The following TRPM3 variants were observed in gnomAD, a reference collection of about 807,000 sequenced individuals.
TRPM3 encodes the protein transient receptor potential cation channel subfamily M member 3.
In TRPM3, 77 loss-of-function variants were observed where a neutral mutation model predicts 181.2. That is an observed-to-expected ratio of 0.42 (90% CI 0.35 to 0.51). The LOEUF (loss-of-function observed/expected upper bound fraction) is 0.51, where lower values mean the gene tolerates loss of function less well. TRPM3 is among the 20% of genes least tolerant of loss of function. The pLI, the probability that TRPM3 is intolerant of heterozygous loss-of-function variation, is 0.01. For synonymous variants in TRPM3, 745 were observed against 796.4 expected, an observed-to-expected ratio of 0.94 and a Z score of 1.09; for missense variants, 1,759 against 2,196.7, an observed-to-expected ratio of 0.80 and a Z score of 3.98.
At chr9:71,420,966 GGAGAGAAAAAGAGAGAGAAAAAGA>G in intron 1 of TRPM3, among the ~76,000 whole-genome samples, 1 of 39,466 alleles carries the variant, frequency 2.5e-5, no homozygotes, top group South Asian at 1.0e-3. Context: ...AGAGAAAAAG[GGAGAGAAAAAGAGAGAGAAAAAGA>G]GAGAGAAAAA....
chr9:70,626,328 C>G (rs1037638218), intron 12 of TRPM3, among the ~76,000 whole-genome samples: 1 of 152,130 alleles, frequency 6.6e-6, no homozygotes, highest in Non-Finnish European at 1.5e-5. Context: ...CTCCTTCTTG[C>G]GGGAGAGCGC....
chr9:70,756,746 T>C (rs1362852351), intron 8 of TRPM3, among the ~76,000 whole-genome samples: 1 of 152,096 alleles, frequency 6.6e-6, no homozygotes. Context: ...ACTGGGTAAA[T>C]AATGAAATTA....
At chr9:71,185,292 C>T (rs778008817) in intron 1 of TRPM3, among the ~76,000 whole-genome samples, 19 of 152,104 alleles carry the variant, frequency 1.2e-4, no homozygotes, top group Admixed American at 2.0e-4. Flanking sequence ...TATTCATTTC[C>T]ACACTTTTCT....
intron 1 of TRPM3, among the ~76,000 whole-genome samples, chr9:71,444,949 GT>G (rs1319321408): frequency 3.9e-5 from 6 of 152,180 alleles, no homozygotes; most frequent in Non-Finnish European, 2.9e-5. Context: ...GCCTTAACTG[GT>G]TTTTAACTGA....
At chr9:71,306,488 C>CT (rs1279855410) in intron 1 of TRPM3, among the ~76,000 whole-genome samples, 1 of 152,072 alleles carries the variant, frequency 6.6e-6, no homozygotes, top group African/African-American at 2.4e-5. Flanking sequence ...CTCAGTTTGT[C>CT]TTTTTTATAT....
chr9:70,865,169 C>T (rs561650906), intron 1 of TRPM3, among the ~76,000 whole-genome samples: 77 of 151,968 alleles, frequency 5.1e-4, no homozygotes, highest in Non-Finnish European at 9.9e-4. Context: ...GCCCCACACG[C>T]CCTTCAGCAG....
At chr9:71,303,963 T>G (rs1466993537) in intron 1 of TRPM3, among the ~76,000 whole-genome samples, 1 of 152,192 alleles carries the variant, frequency 6.6e-6, no homozygotes, top group Non-Finnish European at 1.5e-5. Context: ...GGCTAGCCAT[T>G]CTATAAAATA....
chr9:71,116,056 T>C (rs2072304517), intron 1 of TRPM3, among the ~76,000 whole-genome samples: 1 of 152,196 alleles, frequency 6.6e-6, no homozygotes, highest in Admixed American at 6.5e-5. Flanking sequence ...TTTCTTTTAT[T>C]TGTAGCCATT....
intron 1 of TRPM3, among the ~76,000 whole-genome samples, chr9:71,383,383 A>G (rs1396365217): frequency 6.6e-6 from 1 of 152,098 alleles, no homozygotes; most frequent in African/African-American, 2.4e-5. Flanking sequence ...GACTGCATCT[A>G]TTTGCATCTT....
intron 1 of TRPM3, among the ~76,000 whole-genome samples, chr9:71,318,636 A>T (rs953905251): frequency 6.6e-6 from 1 of 152,290 alleles, no homozygotes; most frequent in Non-Finnish European, 1.5e-5. Flanking sequence ...AGTAACTCTT[A>T]TAAGGCATTG....
chr9:70,645,059 G>C (rs2058628748), intron 9 of TRPM3, among the ~76,000 whole-genome samples: 1 of 152,146 alleles, frequency 6.6e-6, no homozygotes, highest in Non-Finnish European at 1.5e-5. Flanking sequence ...AAATAAGAGA[G>C]GACACAGACA....
intron 5 of TRPM3, among the ~76,000 whole-genome samples, chr9:70,831,313 C>T (rs569268917): frequency 6.7e-6 from 1 of 149,934 alleles, no homozygotes; most frequent in East Asian, 1.9e-4. Context: ...AACATGAATA[C>T]AAATGAATTT....
chr9:71,095,758 C>CAAAAA (rs34934062), intron 1 of TRPM3, among the ~76,000 whole-genome samples: 31 of 84,390 alleles, frequency 3.7e-4, no homozygotes, highest in South Asian at 4.7e-4. Flanking sequence ...GACTCTGTGT[C>CAAAAA]AAAAAAAAAA....
At chr9:70,948,833 C>T (rs1469036501) in intron 1 of TRPM3, among the ~76,000 whole-genome samples, 1 of 152,100 alleles carries the variant, frequency 6.6e-6, no homozygotes, top group Non-Finnish European at 1.5e-5. Context: ...ACTACTTAAA[C>T]CGTTTTTCTA....
At chr9:70,984,112 T>C (rs2097395638) in intron 1 of TRPM3, among the ~76,000 whole-genome samples, 1 of 152,202 alleles carries the variant, frequency 6.6e-6, no homozygotes, top group African/African-American at 2.4e-5. Flanking sequence ...ATTTCACAGG[T>C]CCTTCACATA....
chr9:71,257,351 C>CT (rs2082736488), intron 1 of TRPM3, among the ~76,000 whole-genome samples: 1 of 151,966 alleles, frequency 6.6e-6, no homozygotes, highest in Non-Finnish European at 1.5e-5. Flanking sequence ...GAAGACGGAT[C>CT]CCAGGTTGTC....
At position 71,311,828 on chromosome 9, in the gene TRPM3, C is replaced by CCA. The variant is rs150601418; in HGVS notation, c.183+134823_183+134824dup. Among the ~76,000 whole-genome samples, 8 of 151,338 alleles carry CCA rather than the reference C, an allele frequency of 5.3e-5. No individual in the cohort carries two copies. The South Asian group carries it at 8.4e-4, about 16-fold the overall frequency. On this transcript the variant is annotated intron_variant, in intron 1 of 24. Coordinates refer to the TRPM3 transcript ENST00000357533. ...ATAAATATAAAAATAAAAAAACAAA[C>CCA]CACACACACACACAAGAAAATCTTA...
rs532141244 is a variant in TRPM3 at position 70,756,249 on chromosome 9, C to T, written c.1272+5352G>A. On this transcript the variant is annotated intron_variant, in intron 8 of 25. Coordinates refer to ENST00000677713, the MANE Select transcript of TRPM3 (RefSeq NM_001366145.2). ...CCGAGACCGAAAAAACAAAGAAGGG[C>T]ATTACATAATGGTAAAGGGATCAAT... Among the ~76,000 whole-genome samples the T allele has an allele frequency of 4.3e-4, 66 of 151,818 alleles. 1 individual carries two copies. Among genetic ancestry groups the T allele is most frequent in the African/African-American group, 1.6e-3 (66 of 41,358 alleles).
chr9:71,161,011 C>T (rs980648965), intron 1 of TRPM3, among the ~76,000 whole-genome samples: 2 of 152,162 alleles, frequency 1.3e-5, no homozygotes, highest in Non-Finnish European at 2.9e-5. Context: ...TCCTTGCTGT[C>T]GTTTCACTGA....
Sources: gnomAD v4.1 joint callset for allele counts (sites outside exome capture counted in the v4.1 genomes callset) on GRCh38, gnomAD v4.1.1 for gene constraint, MANE v1.5 for transcripts, NCBI Gene and HGNC (gene_info 2026-07-23, HGNC 2026-07-21) for gene names.